Variants in AK5 observed in about 807,000 individuals in gnomAD.
The protein encoded by AK5 is adenylate kinase isoenzyme 5.
A neutral mutation model predicts 69.5 loss-of-function variants in AK5; 27 were observed. The ratio of observed to expected loss-of-function variants is 0.39; its 90% CI spans 0.29 to 0.54. The LOEUF (loss-of-function observed/expected upper bound fraction) is 0.54. Among genes scored for constraint, AK5 ranks in the 20% least tolerant of loss-of-function variants. AK5 has a pLI of 0.71. For missense variants in AK5, 531 were observed against 700.4 expected (o/e 0.76, Z 2.73); for synonymous variants, 260 against 244.4 (o/e 1.06, Z -0.60).
intron 8 of AK5, among the ~76,000 whole-genome samples, chr1:77,418,439 G>A (rs1284495628): frequency 6.6e-6 from 1 of 152,168 alleles, no homozygotes; most frequent in Non-Finnish European, 1.5e-5. Flanking sequence ...GGGACACAGA[G>A]CCAAACCATA....
chr1:77,472,789 C>CTGAGGTGAG (rs1553154496), intron 8 of AK5, among the ~76,000 whole-genome samples: 23 of 151,396 alleles, frequency 1.5e-4, no homozygotes, highest in East Asian at 3.9e-4. Flanking sequence ...ACTGATGAGG[C>CTGAGGTGAG]AATTCTTCTG....
intron 8 of AK5, among the ~76,000 whole-genome samples, chr1:77,448,667 A>G (rs984750898): frequency 6.6e-6 from 1 of 152,272 alleles, no homozygotes; most frequent in African/African-American, 2.4e-5. Flanking sequence ...TGAAAGAGCT[A>G]TAACACAAAC....
Position 77,282,609 on chromosome 1 carries a change from C to T in AK5, c.60+236C>T. On this transcript the variant is annotated intron_variant, in intron 1 of 13. Coordinates refer to ENST00000354567, the MANE Select transcript of AK5 (RefSeq NM_174858.3). ...TCTCACAGATCAAGTTTCAGTCTTC[C>T]AGCAGGGTTCTGAAAGCAGCCTGCT... 3 of 1,299,294 alleles carry T rather than the reference C, an allele frequency of 2.3e-6. No individual in the cohort carries two copies. The African/African-American group carries it at 4.6e-5, about 20-fold the overall frequency. The allele number at this position is 1,299,294 out of a possible 1,614,324, so 80.5% of individuals were successfully genotyped here.
intron 13 of AK5, among the ~76,000 whole-genome samples, chr1:77,542,862 C>T (rs1219079654): frequency 6.6e-6 from 1 of 152,058 alleles, no homozygotes; most frequent in Non-Finnish European, 1.5e-5. Context: ...TGAAGAGGGC[C>T]TGGTAACAGA....
intron 8 of AK5, among the ~76,000 whole-genome samples, chr1:77,458,105 A>T (rs1375407450): frequency 4.3e-5 from 3 of 69,462 alleles, no homozygotes; most frequent in African/African-American, 1.2e-4. Flanking sequence ...CCATTTCTTA[A>T]AAAAAAAAAA....
At chr1:77,418,788 C>CA (rs5775397) in intron 8 of AK5, among the ~76,000 whole-genome samples, 8 of 151,996 alleles carry the variant, frequency 5.3e-5, no homozygotes, top group African/African-American at 1.7e-4. Flanking sequence ...ACAGATCAGA[C>CA]CAGTGTCCAT....
chr1:77,513,222 C>T (rs1657449447), intron 10 of AK5, among the ~76,000 whole-genome samples: 1 of 152,154 alleles, frequency 6.6e-6, no homozygotes, highest in Admixed American at 6.5e-5. Flanking sequence ...CCCACACTTT[C>T]CTTGTGCTGG....
At chr1:77,501,428 G>A (rs1163541453) in intron 10 of AK5, among the ~76,000 whole-genome samples, 1 of 152,254 alleles carries the variant, frequency 6.6e-6, no homozygotes, top group East Asian at 1.9e-4. Flanking sequence ...ATCCTAGTGT[G>A]TACTCACACA....
chr1:77,481,914 A>AAAC (rs770388112), intron 8 of AK5, among the ~76,000 whole-genome samples: 1 of 152,232 alleles, frequency 6.6e-6, no homozygotes, highest in African/African-American at 2.4e-5. Context: ...AGGACTAATT[A>AAAC]AACAACAACA....
intron 6 of AK5, among the ~76,000 whole-genome samples, chr1:77,374,214 A>T (rs750285394): frequency 7.9e-5 from 12 of 152,162 alleles, no homozygotes; most frequent in Non-Finnish European, 1.5e-4. Flanking sequence ...TCTCATAATA[A>T]TTCAAAGTGG....
intron 5 of AK5, among the ~76,000 whole-genome samples, chr1:77,319,180 A>G (rs993683247): frequency 6.6e-6 from 1 of 152,220 alleles, no homozygotes; most frequent in African/African-American, 2.4e-5. Context: ...AGAGGTAGCC[A>G]GCTCATGATG....
chr1:77,376,567 C>A (rs1448662883), intron 6 of AK5, among the ~76,000 whole-genome samples: 1 of 150,968 alleles, frequency 6.6e-6, no homozygotes, highest in African/African-American at 2.4e-5. Flanking sequence ...TCAAAAAGAA[C>A]CATTAACATT....
At chr1:77,289,054 C>T (rs1240664787) in intron 2 of AK5, among the ~76,000 whole-genome samples, 1 of 152,192 alleles carries the variant, frequency 6.6e-6, no homozygotes, top group Non-Finnish European at 1.5e-5. Context: ...TCTTACCATA[C>T]AATCTATTCA....
intron 6 of AK5, among the ~76,000 whole-genome samples, chr1:77,369,177 A>C (rs909953647): frequency 6.6e-6 from 1 of 152,190 alleles, no homozygotes; most frequent in African/African-American, 2.4e-5. Flanking sequence ...TCCACTTTAC[A>C]GATCAGAAAG....
intron 5 of AK5, among the ~76,000 whole-genome samples, chr1:77,337,106 GT>G (rs1661401505): frequency 6.6e-6 from 1 of 152,002 alleles, no homozygotes; most frequent in Non-Finnish European, 1.5e-5. Flanking sequence ...CTTGGAAAAA[GT>G]CTAACTAAAA....
chr1:77,331,839 G>A (rs1313876839), intron 5 of AK5, among the ~76,000 whole-genome samples: 1 of 152,168 alleles, frequency 6.6e-6, no homozygotes, highest in East Asian at 1.9e-4. Flanking sequence ...GTTTTTGTGA[G>A]AGTTTTGAAT....
At chr1:77,451,118 G>A (rs1183203775) in intron 8 of AK5, among the ~76,000 whole-genome samples, 1 of 152,006 alleles carries the variant, frequency 6.6e-6, no homozygotes, top group South Asian at 2.1e-4. Context: ...TGAGGCTGCA[G>A]TGAGCCATGA....
intron 9 of AK5, among the ~76,000 whole-genome samples, chr1:77,483,875 T>G (rs1007860900): frequency 1.3e-5 from 2 of 152,182 alleles, no homozygotes; most frequent in Non-Finnish European, 2.9e-5. Flanking sequence ...ATTAAAAGTT[T>G]TGCAAATGGC....
chr1:77,548,501 C>A (rs540686174), intron 13 of AK5, among the ~76,000 whole-genome samples: 1 of 152,184 alleles, frequency 6.6e-6, no homozygotes, highest in East Asian at 1.9e-4. Context: ...TAACAGGGGA[C>A]AAGATTAGAA....
Sources: allele counts gnomAD v4.1 joint callset (sites outside exome capture counted in the v4.1 genomes callset), GRCh38; gene constraint gnomAD v4.1.1; transcripts MANE v1.5; gene names NCBI Gene and HGNC (gene_info 2026-07-23, HGNC 2026-07-21).